FOXD3: variants seen among roughly 807,000 people sequenced by gnomAD.
FOXD3 encodes forkhead box D3, also known as forkhead box protein D3.
A neutral mutation model predicts 3.6 loss-of-function variants in FOXD3; 3 were observed. The observed-to-expected ratio is 0.84, with a 90% CI of 0.38 to 2.18. The LOEUF is 2.18. Among genes scored for constraint, FOXD3 ranks in the 30% most tolerant of loss-of-function variants. The pLI is 0.06. For synonymous variants in FOXD3, 391 were observed against 360.9 expected (o/e 1.08, Z -0.94); for missense variants, 686 against 731.6 (o/e 0.94, Z 0.72).
chr1:63,323,194 A>T lies in FOXD3; in HGVS notation c.136A>T (p.Ser46Cys). The change falls in exon 1 of 1, where the codon AGC becomes TGC. Residue 46 changes from serine (S) to cysteine (C), a missense_variant. Ser to Cys is a moderately radical substitution (Grantham distance 112). Coordinates refer to ENST00000371116, the MANE Select transcript of FOXD3 (RefSeq NM_012183.3). The surrounding 1 kb of genome is among the most constrained non-coding windows in gnomAD (Gnocchi z 6.8). The stretch of plus-strand genomic sequence containing the variant: ...GAAGGACAGCGACGCAGGTTGCGAT[A>T]GCCCCGCGGGGCCGCCGGAGCTGCG... ...EEKDSDAGCDSPAGPPELRLD... is the reference protein window; with the variant it reads ...EEKDSDAGCDCPAGPPELRLD... The T allele has an allele frequency of 6.5e-7, 1 of 1,548,770 alleles. No homozygotes were observed.
chr1:63,322,670 G>C lies in FOXD3; in HGVS notation c.-389G>C. 2 of 970,660 alleles carry C rather than the reference G, an allele frequency of 2.1e-6. No individual in the cohort carries two copies. Among genetic ancestry groups the C allele is most frequent in the Non-Finnish European group, 2.4e-6 (2 of 816,528 alleles). The allele number at this position is 970,660 out of a possible 1,614,324, so 60.1% of individuals were successfully genotyped here. A position where few individuals can be genotyped will look rare whatever the true frequency, so the allele number is the denominator to read the frequency against. On this transcript the variant is annotated 5_prime_UTR_variant, in exon 1 of 1. Transcript: ENST00000371116. ...CCCGCGCCCTCCCGAGCTGCTCGGC[G>C]CCCGGCGTCCCGCGCCCGCCTGGAC...
In FOXD3 at chr1:63,324,414, C is replaced by T; in HGVS notation, c.1356C>T (p.Leu452=). ...TCGCGCCCATTCTTAGCGTGCCACT[C>T]TCCGGACAGTTTCTGCAGCCCGCAG... The part of the protein sequence containing the change: ...ATIAPILSVP[L]SGQFLQPAAS... Residue 452 remains leucine, a synonymous_variant, in exon 1 of 1, where the codon CTC becomes CTT. Coordinates refer to ENST00000371116, the MANE Select transcript of FOXD3 (RefSeq NM_012183.3). This position sits in a 1 kb window ranked among gnomAD's most constrained non-coding sequence, Gnocchi z 4.1. 6.3e-7 allele frequency: 1 copy of T among 1,579,892 alleles called. No individual in the cohort carries two copies. The highest frequency in any genetic ancestry group is 8.5e-7 in the Non-Finnish European group (1 of 1,172,120).
rs1647060450 is a variant in FOXD3 at position 63,324,492 on chromosome 1, A to G, written c.1434A>G (p.Gln478=). The change falls in exon 1 of 1, where the codon CAA becomes CAG. Residue 478 remains glutamine (Q), a synonymous_variant. Coordinates refer to ENST00000371116, the MANE Select transcript of FOXD3 (RefSeq NM_012183.3). This position sits in a 1 kb window ranked among gnomAD's most constrained non-coding sequence, Gnocchi z 4.1. ...AAAAQAKWPA[Q] is the part of the protein sequence containing the mutation. ...CCGCTCAAGCCAAATGGCCGGCGCA[A>G]TAGGGACGCGCCAATGGCCGGGACC... is the stretch of plus-strand genomic sequence containing the variant. The G allele has an allele frequency of 4.6e-6, 7 of 1,535,430 alleles. No homozygotes were observed. Among genetic ancestry groups the G allele is most frequent in the Non-Finnish European group, 6.1e-6 (7 of 1,145,962 alleles).
In FOXD3 at chr1:63,322,886, C is replaced by G. The variant is rs565350223; in HGVS notation, c.-173C>G. 1 of 985,196 alleles carries G rather than the reference C, an allele frequency of 1.0e-6. No homozygotes were observed. The highest frequency in any genetic ancestry group is 1.1e-4 in the East Asian group (1 of 8,772). The allele number at this position is 985,196 out of a possible 1,614,324, so 61.0% of individuals were successfully genotyped here. A position where few individuals can be genotyped will look rare whatever the true frequency, so the allele number is the denominator to read the frequency against. On this transcript the variant is annotated 5_prime_UTR_variant, in exon 1 of 1. Coordinates refer to ENST00000371116, the MANE Select transcript of FOXD3 (RefSeq NM_012183.3). Reference sequence around the variant, plus strand: ...CCCGCGCCACGCGATGCGGGGCCGCCGAGTGTGAGCTGAGCCCAGCGGGCC... The same window carrying G: ...CCCGCGCCACGCGATGCGGGGCCGCGGAGTGTGAGCTGAGCCCAGCGGGCC...
In FOXD3 at chr1:63,323,847, G is replaced by C; in HGVS notation, c.789G>C (p.Ala263=). 6.4e-7 allele frequency: 1 copy of C among 1,573,872 alleles called. No individual in the cohort carries two copies. Among genetic ancestry groups the C allele is most frequent in the South Asian group, 1.1e-5 (1 of 87,472 alleles). ...GCTTCGGCGCTTACAGCCTGGCGGC[G>C]GCGGCCGGCGCCGCGGGACCCTACG... The part of the protein sequence containing the change: ...MQSFGAYSLA[A]AAGAAGPYGR... The change falls in exon 1 of 1, where the codon GCG becomes GCC. Residue 263 remains alanine (A), a synonymous_variant. Transcript: ENST00000371116. This position sits in a 1 kb window ranked among gnomAD's most constrained non-coding sequence, Gnocchi z 6.8.
rs1035389772 is a variant in FOXD3, at chr1:63,323,830, G to C, written c.772G>C (p.Ala258Pro). The change falls in exon 1 of 1, where the codon GCT becomes CCT. Residue 258 changes from alanine to proline, a missense_variant. Ala to Pro is a conservative substitution (Grantham distance 27). Transcript: ENST00000371116. This position sits in a 1 kb window ranked among gnomAD's most constrained non-coding sequence, Gnocchi z 6.8. ...GGCGCTCATGATGCAGAGCTTCGGC[G>C]CTTACAGCCTGGCGGCGGCGGCCGG... ...QTALMMQSFG[A>P]YSLAAAAGAA... is the part of the protein sequence containing the mutation. 6.2e-7 allele frequency: 1 copy of C among 1,601,626 alleles called. No homozygotes were observed. Among genetic ancestry groups the C allele is most frequent in the Non-Finnish European group, 8.5e-7 (1 of 1,176,388 alleles).
At position 63,324,796 on chromosome 1, in the gene FOXD3, T is replaced by C. The variant is rs1443940400; in HGVS notation, c.*301T>C. 2.3e-6 allele frequency: 1 copy of C among 434,302 alleles called. No individual in the cohort carries two copies. Among genetic ancestry groups the C allele is most frequent in the Non-Finnish European group, 4.2e-6 (1 of 238,578 alleles). 26.9% of individuals were successfully genotyped at this position (434,302 alleles called of 1,614,324 possible). On this transcript the variant is annotated 3_prime_UTR_variant, in exon 1 of 1. Transcript: ENST00000371116. The surrounding 1 kb of genome is among the most constrained non-coding windows in gnomAD (Gnocchi z 4.1). ...GCACCCCGACGGCGCCTGCTCTTAG[T>C]ACCGTGGGGATGGGAGGGAAATTCT...
In FOXD3 at chr1:63,324,410, C is replaced by A; in HGVS notation, c.1352C>A (p.Pro451Gln). Reference protein sequence around the residue: ...TATIAPILSVPLSGQFLQPAA... With the variant: ...TATIAPILSVQLSGQFLQPAA... ...ACCATCGCGCCCATTCTTAGCGTGC[C>A]ACTCTCCGGACAGTTTCTGCAGCCC... The change falls in exon 1 of 1, where the codon CCA becomes CAA. Residue 451 changes from proline to glutamine, a missense_variant. Transcript: ENST00000371116. This position sits in a 1 kb window ranked among gnomAD's most constrained non-coding sequence, Gnocchi z 4.1. 1 of 1,582,026 alleles carries A rather than the reference C, an allele frequency of 6.3e-7. No individual in the cohort carries two copies. Among genetic ancestry groups the A allele is most frequent in the Non-Finnish European group, 8.5e-7 (1 of 1,173,112 alleles).
In FOXD3 at chr1:63,323,317, G is replaced by A; in HGVS notation, c.259G>A (p.Gly87Arg). The change falls in exon 1 of 1, where the codon GGA (glycine) becomes AGA (arginine). Residue 87 changes from glycine to arginine, a missense_variant. Coordinates refer to ENST00000371116, the MANE Select transcript of FOXD3 (RefSeq NM_012183.3). The surrounding 1 kb of genome is among the most constrained non-coding windows in gnomAD (Gnocchi z 6.8). Reference sequence around the variant, plus strand: ...CCTGACATTGCCCAAGGAGGCGGCCGGAGCCGGGGCCGGACCGGGGGGCGA... The same window carrying A: ...CCTGACATTGCCCAAGGAGGCGGCCAGAGCCGGGGCCGGACCGGGGGGCGA... ...QPLTLPKEAA[G>R]AGAGPGGDVG... 7.2e-7 allele frequency: 1 copy of A among 1,380,786 alleles called. No individual in the cohort carries two copies. Among genetic ancestry groups the A allele is most frequent in the African/African-American group, 1.7e-5 (1 of 58,536 alleles). The allele number at this position is 1,380,786 out of a possible 1,614,324, so 85.5% of individuals were successfully genotyped here.
At position 63,324,637 on chromosome 1, in the gene FOXD3, C is replaced by CT; in HGVS notation, c.*143dup. ...CTGCCTCTCCCCAATTTCCTTTCCC[C>CT]TGAGCCCCCAACGCCTACCTTCCGC... is the stretch of plus-strand genomic sequence containing the variant. On this transcript the variant is annotated 3_prime_UTR_variant, in exon 1 of 1. Coordinates refer to ENST00000371116, the MANE Select transcript of FOXD3 (RefSeq NM_012183.3). The surrounding 1 kb of genome is among the most constrained non-coding windows in gnomAD (Gnocchi z 4.1). 1.5e-6 allele frequency: 1 copy of CT among 667,590 alleles called. No individual in the cohort carries two copies. 41.4% of individuals were successfully genotyped at this position (667,590 alleles called of 1,614,324 possible).
chr1:63,322,660 G>C lies in FOXD3; in HGVS notation c.-399G>C. 1 of 966,176 alleles carries C rather than the reference G, an allele frequency of 1.0e-6. No individual in the cohort carries two copies. The allele number at this position is 966,176 out of a possible 1,614,324, so 59.9% of individuals were successfully genotyped here. On this transcript the variant is annotated 5_prime_UTR_variant, in exon 1 of 1. Transcript: ENST00000371116. Reference sequence around the variant, plus strand: ...ACTGTCCCTGCCCGCGCCCTCCCGAGCTGCTCGGCGCCCGGCGTCCCGCGC... The same window carrying C: ...ACTGTCCCTGCCCGCGCCCTCCCGACCTGCTCGGCGCCCGGCGTCCCGCGC...
Position 63,323,405 on chromosome 1 carries a change from G to T in FOXD3, c.347G>T (p.Ser116Ile), listed in dbSNP as rs770399172. 2.9e-5 allele frequency: 43 copies of T among 1,463,938 alleles called. No individual in the cohort carries two copies. The highest frequency in any genetic ancestry group is 3.6e-5 in the Non-Finnish European group (40 of 1,112,292). The allele number at this position is 1,463,938 out of a possible 1,614,324, so 90.7% of individuals were successfully genotyped here. A position where few individuals can be genotyped will look rare whatever the true frequency, so the allele number is the denominator to read the frequency against. Residue 116 changes from serine (S) to isoleucine (I), a missense_variant, in exon 1 of 1, where the codon AGC becomes ATC. Transcript: ENST00000371116. This position sits in a 1 kb window ranked among gnomAD's most constrained non-coding sequence, Gnocchi z 6.8. The part of the protein sequence containing the change: ...GGVGGEEGGA[S>I]GGGPGAGSGS... ...GTTGGCGGCGAGGAGGGCGGCGCGA[G>T]CGGCGGCGGGCCTGGCGCGGGCAGC...
Position 63,323,843 on chromosome 1 carries a change from C to T in FOXD3, c.785C>T (p.Ala262Val). 7.6e-7 allele frequency: 1 copy of T among 1,312,706 alleles called. No individual in the cohort carries two copies. The highest frequency in any genetic ancestry group is 1.0e-6 in the Non-Finnish European group (1 of 986,332). 81.3% of individuals were successfully genotyped at this position (1,312,706 alleles called of 1,614,324 possible). The change falls in exon 1 of 1, where the codon GCG (alanine) becomes GTG (valine). Residue 262 changes from alanine to valine, a missense_variant. By Grantham distance (64) the Ala-to-Val change is moderately conservative. Around this residue, in one of 3 missense-constraint regions of FOXD3, gnomAD observed 370 missense variants for 372.3 expected, o/e 0.99. Coordinates refer to ENST00000371116, the MANE Select transcript of FOXD3 (RefSeq NM_012183.3). This position sits in a 1 kb window ranked among gnomAD's most constrained non-coding sequence, Gnocchi z 6.8. ...CAGAGCTTCGGCGCTTACAGCCTGG[C>T]GGCGGCGGCCGGCGCCGCGGGACCC... ...MMQSFGAYSLAAAAGAAGPYG... is the reference protein window; with the variant it reads ...MMQSFGAYSLVAAAGAAGPYG...
Position 63,323,002 on chromosome 1 carries a change from G to C in FOXD3, c.-57G>C. 1.3e-6 allele frequency: 2 copies of C among 1,501,202 alleles called. No homozygotes were observed. The highest frequency in any genetic ancestry group is 5.4e-5 in the East Asian group (2 of 37,026). The allele number at this position is 1,501,202 out of a possible 1,614,324, so 93.0% of individuals were successfully genotyped here. ...TCCCCTGAGCTCCGTGGCAGCCCCC[G>C]AACACCCTCATCGCCCGCTGCCCCC... On this transcript the variant is annotated 5_prime_UTR_variant, in exon 1 of 1. Transcript: ENST00000371116. The surrounding 1 kb of genome is among the most constrained non-coding windows in gnomAD (Gnocchi z 6.8).
chr1:63,323,724 G>A lies in FOXD3; in HGVS notation c.666G>A (p.Glu222=), dbSNP rs373332012. 8 of 1,613,994 alleles carry A rather than the reference G, an allele frequency of 5.0e-6. No individual in the cohort carries two copies. The African/African-American group carries it at 9.3e-5, about 19-fold the overall frequency. Residue 222 remains glutamate (E), a synonymous_variant, in exon 1 of 1, where the codon GAG becomes GAA. Coordinates refer to ENST00000371116, the MANE Select transcript of FOXD3 (RefSeq NM_012183.3). This position sits in a 1 kb window ranked among gnomAD's most constrained non-coding sequence, Gnocchi z 6.8. The part of the protein sequence containing the change: ...GNYWTLDPQS[E]DMFDNGSFLR... ...ACTGGACCCTGGACCCGCAGTCCGA[G>A]GACATGTTCGACAACGGCAGCTTCC... is the stretch of plus-strand genomic sequence containing the variant.
chr1:63,324,128 C>A lies in FOXD3; in HGVS notation c.1070C>A (p.Thr357Lys). ...SLGAAAAAAG[T>K]AGAAGTTASL... Reference sequence around the variant, plus strand: ...GGCGCCGCCGCGGCCGCTGCGGGCACAGCGGGCGCCGCGGGCACCACCGCG... The same window carrying A: ...GGCGCCGCCGCGGCCGCTGCGGGCAAAGCGGGCGCCGCGGGCACCACCGCG... Residue 357 changes from threonine (T) to lysine (K), a missense_variant, in exon 1 of 1, where the codon ACA becomes AAA. Physicochemically the swap from Thr to Lys is moderately conservative, Grantham distance 78. This residue lies in a region of FOXD3 where 370 missense variants were observed against 372.3 expected (regional missense o/e 0.99). Transcript: ENST00000371116. The surrounding 1 kb of genome is among the most constrained non-coding windows in gnomAD (Gnocchi z 4.1). The A allele has an allele frequency of 7.0e-7, 1 of 1,433,552 alleles. No homozygotes were observed. Among genetic ancestry groups the A allele is most frequent in the Non-Finnish European group, 9.0e-7 (1 of 1,106,740 alleles). 88.8% of individuals were successfully genotyped at this position (1,433,552 alleles called of 1,614,324 possible). A position where few individuals can be genotyped will look rare whatever the true frequency, so the allele number is the denominator to read the frequency against.
In FOXD3 at chr1:63,324,620, C is replaced by A; in HGVS notation, c.*125C>A. On this transcript the variant is annotated 3_prime_UTR_variant, in exon 1 of 1. Transcript: ENST00000371116. The surrounding 1 kb of genome is among the most constrained non-coding windows in gnomAD (Gnocchi z 4.1). ...CTGCCCAATCCTGGACTCTGCCTCTCCCCAATTTCCTTTCCCCTGAGCCCC... is the reference window on the plus strand; with the variant it reads ...CTGCCCAATCCTGGACTCTGCCTCTACCCAATTTCCTTTCCCCTGAGCCCC... The A allele has an allele frequency of 2.8e-6, 2 of 712,326 alleles. No individual in the cohort carries two copies. Among genetic ancestry groups the A allele is most frequent in the East Asian group, 2.9e-5 (1 of 34,416 alleles). 44.1% of individuals were successfully genotyped at this position (712,326 alleles called of 1,614,324 possible).
chr1:63,322,790 G>A lies in FOXD3; in HGVS notation c.-269G>A, dbSNP rs955195968. 1 of 985,278 alleles carries A rather than the reference G, an allele frequency of 1.0e-6. No homozygotes were observed. Among genetic ancestry groups the A allele is most frequent in the East Asian group, 1.1e-4 (1 of 8,800 alleles). 61.0% of individuals were successfully genotyped at this position (985,278 alleles called of 1,614,324 possible). A position where few individuals can be genotyped will look rare whatever the true frequency, so the allele number is the denominator to read the frequency against. On this transcript the variant is annotated 5_prime_UTR_variant, in exon 1 of 1. Transcript: ENST00000371116. The stretch of plus-strand genomic sequence containing the variant: ...AACCGCCGGGGCCGGGAGCGGTAGC[G>A]AGCGCCTAGTACCGAGCGCCAGGGA...
Position 63,323,404 on chromosome 1 carries a change from A to G in FOXD3, c.346A>G (p.Ser116Gly), listed in dbSNP as rs1341144640. ...GGVGGEEGGA[S>G]GGGPGAGSGS... ...TGTTGGCGGCGAGGAGGGCGGCGCG[A>G]GCGGCGGCGGGCCTGGCGCGGGCAG... Residue 116 changes from serine to glycine, a missense_variant, in exon 1 of 1, where the codon AGC becomes GGC. Ser to Gly is a moderately conservative substitution (Grantham distance 56, BLOSUM62 0). Coordinates refer to ENST00000371116, the MANE Select transcript of FOXD3 (RefSeq NM_012183.3). This position sits in a 1 kb window ranked among gnomAD's most constrained non-coding sequence, Gnocchi z 6.8. 2.1e-6 allele frequency: 3 copies of G among 1,461,848 alleles called. No individual in the cohort carries two copies. Among genetic ancestry groups the G allele is most frequent in the Non-Finnish European group, 2.7e-6 (3 of 1,111,284 alleles). The allele number at this position is 1,461,848 out of a possible 1,614,324, so 90.6% of individuals were successfully genotyped here. A position where few individuals can be genotyped will look rare whatever the true frequency, so the allele number is the denominator to read the frequency against.
Sources: allele counts gnomAD v4.1 joint callset, GRCh38; gene constraint gnomAD v4.1.1; regional missense constraint gnomAD v4.1.1; non-coding constraint Gnocchi (gnomAD v3.1); transcripts MANE v1.5; gene names NCBI Gene and HGNC (gene_info 2026-07-23, HGNC 2026-07-21).